The following SEMA6D variants were observed in gnomAD, a reference collection of about 807,000 sequenced individuals.
SEMA6D encodes the protein semaphorin 6D.
In SEMA6D, 35 loss-of-function variants were observed where a neutral mutation model predicts 106.6. The ratio of observed to expected loss-of-function variants is 0.33; its 90% CI spans 0.25 to 0.44. The LOEUF is 0.44. Among genes scored for constraint, SEMA6D ranks in the 20% least tolerant of loss-of-function variants. The probability of loss-of-function intolerance (pLI) is 1.00; values close to 1 mark genes in which losing one functional copy is unlikely to be tolerated. For synonymous variants in SEMA6D, 499 were observed against 487.7 expected, an observed-to-expected ratio of 1.02 and a Z score of -0.31; for missense variants, 1,185 against 1,345.9, an observed-to-expected ratio of 0.88 and a Z score of 1.87.
chr15:47,414,959 G>T (rs1213740472), intron 2 of SEMA6D, among the ~76,000 whole-genome samples: 4 of 152,068 alleles, frequency 2.6e-5, no homozygotes, highest in East Asian at 1.9e-4. Context: ...TGTAAAAGGG[G>T]TTTAATATTT....
At chr15:47,748,348 A>G (rs1194614135) in intron 1 of SEMA6D, among the ~76,000 whole-genome samples, 1 of 152,238 alleles carries the variant, frequency 6.6e-6, no homozygotes, top group Non-Finnish European at 1.5e-5. Flanking sequence ...TTCTTCCTCC[A>G]TTCATCAAGT....
chr15:47,577,281 G>A (rs1008536257), intron 3 of SEMA6D, among the ~76,000 whole-genome samples: 2 of 152,174 alleles, frequency 1.3e-5, no homozygotes, highest in Non-Finnish European at 2.9e-5. Context: ...GGTCACCCTA[G>A]CAATCATCAT....
At position 47,771,972 on chromosome 15, in the gene SEMA6D, T is replaced by C. The variant is rs1448110247; in HGVS notation, c.*187T>C. 4 of 604,270 alleles carry C rather than the reference T, an allele frequency of 6.6e-6. No homozygotes were observed. In the East Asian group the frequency reaches 1.1e-4, roughly 17 times the overall value. The allele number at this position is 604,270 out of a possible 1,614,324, so 37.4% of individuals were successfully genotyped here. ...TAGCTACTGCAGCAAGGCTTCTGTG[T>C]ACTTGCCTGAAAACAAAGGAAGGTG... On this transcript the variant is annotated 3_prime_UTR_variant, in exon 19 of 19. Transcript: ENST00000536845.
intron 18 of SEMA6D, among the ~76,000 whole-genome samples, chr15:47,769,953 C>T (rs2082542602): frequency 1.3e-5 from 2 of 151,940 alleles, no homozygotes; most frequent in Admixed American, 1.3e-4. Context: ...ACATGAAAGT[C>T]TCTATTTATA....
At chr15:47,433,200 T>TTC (rs1226184851) in intron 2 of SEMA6D, among the ~76,000 whole-genome samples, 1 of 152,092 alleles carries the variant, frequency 6.6e-6, no homozygotes, top group Non-Finnish European at 1.5e-5. Context: ...TGTTGTTAAT[T>TTC]TCTGTTGCTG....
intron 1 of SEMA6D, among the ~76,000 whole-genome samples, chr15:47,298,949 G>T (rs1430026651): frequency 6.6e-6 from 1 of 152,248 alleles, no homozygotes; most frequent in Admixed American, 6.5e-5. Flanking sequence ...CATCCCTAAA[G>T]GTATTCTCCA....
At chr15:47,228,137 T>TAC (rs72361942) in intron 1 of SEMA6D, among the ~76,000 whole-genome samples, 6,742 of 135,034 alleles carry the variant, frequency 0.05, 216 homozygotes, top group African/African-American at 0.06. Context: ...TGTGTGTGTG[T>TAC]ACACACACAC....
At chr15:47,200,957 G>A (rs888995262) in intron 1 of SEMA6D, among the ~76,000 whole-genome samples, 2 of 152,166 alleles carry the variant, frequency 1.3e-5, no homozygotes, top group Admixed American at 6.5e-5. Flanking sequence ...CTTTGAGTGT[G>A]CTTTAAGAGA....
At chr15:47,279,979 T>A (rs2035032429) in intron 1 of SEMA6D, among the ~76,000 whole-genome samples, 2 of 151,326 alleles carry the variant, frequency 1.3e-5, no homozygotes, top group Non-Finnish European at 2.9e-5. Context: ...GATATTGGTC[T>A]AAAATTCTCT....
At chr15:47,448,686 G>GT (rs1452312228) in intron 2 of SEMA6D, among the ~76,000 whole-genome samples, 7 of 152,222 alleles carry the variant, frequency 4.6e-5, no homozygotes, top group Admixed American at 2.6e-4. Context: ...ATCAAATGGG[G>GT]TTGAAGTAAG....
intron 1 of SEMA6D, among the ~76,000 whole-genome samples, chr15:47,279,925 T>A (rs1265788510): frequency 1.3e-5 from 2 of 150,946 alleles, no homozygotes; most frequent in Non-Finnish European, 2.9e-5. Context: ...TGGATTCGGT[T>A]TGCCAGTATT....
At chr15:47,331,585 A>G (rs1395037261) in intron 1 of SEMA6D, among the ~76,000 whole-genome samples, 1 of 152,202 alleles carries the variant, frequency 6.6e-6, no homozygotes, top group Non-Finnish European at 1.5e-5. Context: ...AGACATATGC[A>G]TAAACATGTG....
intron 1 of SEMA6D, among the ~76,000 whole-genome samples, chr15:47,222,759 A>C (rs2031316847): frequency 1.3e-5 from 2 of 152,172 alleles, no homozygotes; most frequent in South Asian, 4.1e-4. Flanking sequence ...AGATGACCGC[A>C]ATTGTGCTAT....
rs374226210 is a variant in SEMA6D, at chr15:47,348,725, CACAGAG to C, written c.-238-63666_-238-63661del. Reference sequence around the variant, plus strand: ...CACACACACACACACACACCACACACACAGAGAGAGAGAGAGAGAGAGAGAGAGAGA... The same window carrying C: ...CACACACACACACACACACCACACACAGAGAGAGAGAGAGAGAGAGAGAGA... On this transcript the variant is annotated intron_variant, in intron 1 of 19. Transcript: ENST00000558014. 3.4e-4 allele frequency among the ~76,000 whole-genome samples: 16 copies of C among 47,700 alleles called. 1 individual carries two copies. The highest frequency in any genetic ancestry group is 7.0e-4 in the African/African-American group (15 of 21,398). 31.3% of individuals were successfully genotyped at this position (47,700 alleles called of 152,430 possible). A position where few individuals can be genotyped will look rare whatever the true frequency, so the allele number is the denominator to read the frequency against.
chr15:47,471,923 TCTCTCTCTCACACACA>T (rs1179314033), intron 3 of SEMA6D, among the ~76,000 whole-genome samples: 4 of 129,998 alleles, frequency 3.1e-5, no homozygotes, highest in African/African-American at 1.4e-4. Flanking sequence ...TCTCTCTCTC[TCTCTCTCTCACACACA>T]CACACACACA....
intron 3 of SEMA6D, among the ~76,000 whole-genome samples, chr15:47,520,769 A>G (rs1320627098): frequency 6.6e-6 from 1 of 152,192 alleles, no homozygotes; most frequent in East Asian, 1.9e-4. Context: ...GGAGAATCTA[A>G]CATCAAGTAC....
At position 47,770,991 on chromosome 15, in the gene SEMA6D, C is replaced by G; in HGVS notation, c.2428C>G (p.Pro810Ala). 1 of 1,614,076 alleles carries G rather than the reference C, an allele frequency of 6.2e-7. No individual in the cohort carries two copies. Residue 810 changes from proline to alanine, a missense_variant, in exon 19 of 19, where the codon CCG (proline) becomes GCG (alanine). Coordinates refer to ENST00000536845, the MANE Select transcript of SEMA6D (RefSeq NM_001358351.3). The stretch of plus-strand genomic sequence containing the variant: ...AAGGAAAGAAACCCCTCAGTTTTTT[C>G]CGTCTAGTCCGCCACCTCATTCCCC... ...ASRKETPQFF[P>A]SSPPPHSPLS...
chr15:47,374,405 TC>T (rs1193980779), intron 1 of SEMA6D, among the ~76,000 whole-genome samples: 1 of 152,122 alleles, frequency 6.6e-6, no homozygotes, highest in African/African-American at 2.4e-5. Flanking sequence ...GGCTGAATCT[TC>T]TCCATTCGTT....
intron 4 of SEMA6D, among the ~76,000 whole-genome samples, chr15:47,641,246 A>G (rs984571119): frequency 1.0e-5 from 1 of 100,334 alleles, no homozygotes; most frequent in Non-Finnish European, 2.3e-5. Flanking sequence ...CACGTCTAGA[A>G]ATATCATGGC....
Sources: allele counts gnomAD v4.1 joint callset (sites outside exome capture counted in the v4.1 genomes callset), GRCh38; gene constraint gnomAD v4.1.1; transcripts MANE v1.5; gene names NCBI Gene and HGNC (gene_info 2026-07-23, HGNC 2026-07-21).